LONP2: variants seen among roughly 807,000 people sequenced by gnomAD.
The protein encoded by LONP2 is lon protease homolog 2, peroxisomal.
Under a neutral mutation model 85.6 loss-of-function variants are expected in LONP2, and 60 were observed. The observed-to-expected ratio is 0.70, with a 90% CI of 0.57 to 0.87. The LOEUF (loss-of-function observed/expected upper bound fraction) is 0.87, where lower values mean the gene tolerates loss of function less well. Among genes scored for constraint, LONP2 ranks in the 40% least tolerant of loss-of-function variants. The probability of loss-of-function intolerance (pLI) is 0.00; values close to 1 mark genes in which losing one functional copy is unlikely to be tolerated. For missense variants in LONP2, 860 were observed against 1,063.5 expected, an observed-to-expected ratio of 0.81 and a Z score of 2.66; for synonymous variants, 395 against 389.7, an observed-to-expected ratio of 1.01 and a Z score of -0.16.
intron 9 of LONP2, among the ~76,000 whole-genome samples, chr16:48,298,562 G>A (rs1272776943): frequency 6.7e-6 from 1 of 150,266 alleles, no homozygotes; most frequent in African/African-American, 2.5e-5. Flanking sequence ...TTATTTTATA[G>A]TCATAGTTCT....
At chr16:48,282,124 G>A (rs1315910991) in intron 8 of LONP2, among the ~76,000 whole-genome samples, 2 of 151,932 alleles carry the variant, frequency 1.3e-5, no homozygotes, top group African/African-American at 4.8e-5. Flanking sequence ...AATGTTTATG[G>A]CAGGCCAGGC....
chr16:48,310,299 G>A (rs761393528), intron 11 of LONP2, among the ~76,000 whole-genome samples: 2 of 151,416 alleles, frequency 1.3e-5, no homozygotes, highest in Non-Finnish European at 2.9e-5. Flanking sequence ...TGATGCATGA[G>A]GTTTTGTTCC....
Position 48,261,489 on chromosome 16 carries a change from A to G in LONP2, c.789A>G (p.Glu263=). The G allele has an allele frequency of 6.2e-7, 1 of 1,608,870 alleles. No homozygotes were observed. The highest frequency in any genetic ancestry group is 1.3e-5 in the African/African-American group (1 of 74,426). The change falls in exon 5 of 15, where the codon GAA becomes GAG. Residue 263 remains glutamate, a synonymous_variant. Transcript: ENST00000285737. The part of the protein sequence containing the change: ...HISGTLEDED[E]DEDNDDIVML... The stretch of plus-strand genomic sequence containing the variant: ...CAGGTACTTTAGAAGATGAAGATGA[A>G]GATGAAGATAATGATGACATTGTCA...
chr16:48,358,125 A>C (rs1960443041), downstream of LONP2, among the ~76,000 whole-genome samples: 1 of 152,232 alleles, frequency 6.6e-6, no homozygotes, highest in Non-Finnish European at 1.5e-5. Flanking sequence ...TTACCTCTAT[A>C]GGCTAAGAAT....
At position 48,253,273 on chromosome 16, in the gene LONP2, C is replaced by A. The variant is rs553370951; in HGVS notation, c.468+908C>A. ...TTGCTTGAGCCCAGTAGTTCGAGAT[C>A]AGCCTAGGCAGCATGGTGAGATCCC... On this transcript the variant is annotated intron_variant, in intron 2 of 14. Coordinates refer to ENST00000285737, the MANE Select transcript of LONP2 (RefSeq NM_031490.5). Among the ~76,000 whole-genome samples, 4 of 151,944 alleles carry A rather than the reference C, an allele frequency of 2.6e-5. No homozygotes were observed. In the East Asian group the frequency reaches 7.7e-4, roughly 29 times the overall value.
intron 6 of LONP2, among the ~76,000 whole-genome samples, chr16:48,264,756 AC>A (rs1971954653): frequency 6.6e-6 from 1 of 152,246 alleles, no homozygotes; most frequent in South Asian, 2.1e-4. Flanking sequence ...ATAAGAAATT[AC>A]AAAAGTATTA....
intron 9 of LONP2, among the ~76,000 whole-genome samples, chr16:48,298,625 A>AGGGG (rs200746193): frequency 1.3e-5 from 1 of 77,080 alleles, no homozygotes; most frequent in Non-Finnish European, 2.8e-5. Context: ...TATTTAATTG[A>AGGGG]GGTGTGTGTG....
At chr16:48,307,172 C>A (rs551461283) in intron 11 of LONP2, among the ~76,000 whole-genome samples, 4 of 152,226 alleles carry the variant, frequency 2.6e-5, no homozygotes, top group African/African-American at 9.6e-5. Flanking sequence ...TAGAATTGAT[C>A]GATCTGTGTT....
intron 12 of LONP2, 46 bp downstream of exon 12, chr16:48,334,404 A>G: frequency 6.2e-7 from 1 of 1,611,970 alleles, no homozygotes; most frequent in South Asian, 1.1e-5. Context: ...AATGAAAGGA[A>G]CACTTTATTG....
At chr16:48,332,904 T>C (rs1023758101) in intron 11 of LONP2, among the ~76,000 whole-genome samples, 9 of 146,158 alleles carry the variant, frequency 6.2e-5, no homozygotes, top group African/African-American at 2.4e-4. Context: ...CGAGACTCTG[T>C]CTCAAAAAAT....
At chr16:48,296,301 T>A in intron 9 of LONP2, 136 bp downstream of exon 9, 1 of 962,946 alleles carries the variant, frequency 1.0e-6, no homozygotes, top group Non-Finnish European at 1.5e-6. Context: ...GGAATGTATA[T>A]AAATCAGTTT....
intron 8 of LONP2, among the ~76,000 whole-genome samples, chr16:48,291,951 T>C (rs1319567341): frequency 1.3e-5 from 2 of 152,206 alleles, no homozygotes; most frequent in Non-Finnish European, 2.9e-5. Flanking sequence ...TCTCCAGAGA[T>C]GATTGTGAGG....
At chr16:48,274,468 G>T (rs1465557236) in intron 7 of LONP2, among the ~76,000 whole-genome samples, 1 of 151,960 alleles carries the variant, frequency 6.6e-6, no homozygotes, top group Non-Finnish European at 1.5e-5. Flanking sequence ...CCCTTTAGAC[G>T]AGTACACCCA....
intron 13 of LONP2, 29 bp downstream of exon 13, chr16:48,347,743 G>A (rs765576576): frequency 5.1e-5 from 81 of 1,594,582 alleles, no homozygotes; most frequent in Non-Finnish European, 6.2e-5. Context: ...CCAGGCAGGC[G>A]TGACCCAGGA....
chr16:48,256,454 C>T (rs1026918535), intron 2 of LONP2, among the ~76,000 whole-genome samples, 156 bp from the exon 3 acceptor site: 1 of 152,036 alleles, frequency 6.6e-6, no homozygotes, highest in Admixed American at 6.6e-5. Flanking sequence ...CTTTTCTTTT[C>T]CTCTGAGGCC....
chr16:48,356,511 C>T lies in LONP2; in HGVS notation c.*4709C>T, dbSNP rs1156631732. 1 of 129,154 alleles carries T rather than the reference C, an allele frequency of 7.7e-6. No homozygotes were observed. The highest frequency in any genetic ancestry group is 3.5e-5 in the African/African-American group (1 of 28,732). The allele number at this position is 129,154 out of a possible 1,614,324, so 8.0% of individuals were successfully genotyped here. The stretch of plus-strand genomic sequence containing the variant: ...TTGCCATGAAAATTGTATCCAGCAG[C>T]TAAAAAAAAAAAAAAAAAAAAAGAC... On this transcript the variant is annotated 3_prime_UTR_variant, in exon 15 of 15. Coordinates refer to ENST00000285737, the MANE Select transcript of LONP2 (RefSeq NM_031490.5).
At chr16:48,357,561 ACTTTT>A (rs1256263628), downstream of LONP2, among the ~76,000 whole-genome samples, 1 of 152,142 alleles carries the variant, frequency 6.6e-6, no homozygotes, top group Admixed American at 6.5e-5. Context: ...TTTCGACATT[ACTTTT>A]ATGTCCATTC....
At position 48,296,112 on chromosome 16, in the gene LONP2, C is replaced by T. The variant is rs1310946160; in HGVS notation, c.1481C>T (p.Thr494Ile). 2.5e-6 allele frequency: 4 copies of T among 1,614,186 alleles called. No individual in the cohort carries two copies. Among genetic ancestry groups the T allele is most frequent in the Non-Finnish European group, 3.4e-6 (4 of 1,180,012 alleles). The stretch of plus-strand genomic sequence containing the variant: ...CTTTTTATAGCTACTGCCAACACCA[C>T]TGCTACCATTCCAGCTGCCTTGTTG... Reference protein sequence around the residue: ...QVLFIATANTTATIPAALLDR... With the variant: ...QVLFIATANTIATIPAALLDR... Residue 494 changes from threonine to isoleucine, a missense_variant, in exon 9 of 15, where the codon ACT (threonine) becomes ATT (isoleucine). Transcript: ENST00000285737.
chr16:48,327,403 A>G (rs956373260), intron 11 of LONP2, among the ~76,000 whole-genome samples: 6 of 152,102 alleles, frequency 3.9e-5, no homozygotes, highest in African/African-American at 1.4e-4. Flanking sequence ...CTCATTTTAT[A>G]TTTCTGTGGC....
Sources: allele counts gnomAD v4.1 joint callset (sites outside exome capture counted in the v4.1 genomes callset), GRCh38; gene constraint gnomAD v4.1.1; transcripts MANE v1.5; gene names NCBI Gene and HGNC (gene_info 2026-07-23, HGNC 2026-07-21).